Variants in PDZD2 observed in about 807,000 individuals in gnomAD.
PDZD2 encodes PDZ domain-containing protein 2.
A neutral mutation model predicts 220.7 loss-of-function variants in PDZD2; 90 were observed. That is an observed-to-expected ratio of 0.41 (90% CI 0.34 to 0.49). The LOEUF is 0.49. PDZD2 is among the 20% of genes least tolerant of loss of function. The pLI is 0.28. For synonymous variants in PDZD2, 1,375 were observed against 1,450.5 expected (o/e 0.95, Z 1.18); for missense variants, 3,174 against 3,608.5 (o/e 0.88, Z 3.08).
intron 4 of PDZD2, among the ~76,000 whole-genome samples, chr5:31,999,375 TGGTGGC>T (rs1751918048): frequency 6.6e-6 from 1 of 151,476 alleles, no homozygotes; most frequent in African/African-American, 2.4e-5. Flanking sequence ...AAACCAGGCC[TGGTGGC>T]ACGCACTTGT....
Position 32,089,778 on chromosome 5 carries a change from T to G in PDZD2, c.6330T>G (p.Ala2110=). ...AGACTGTATGTGGTAACAAGCCAGC[T>G]GAAAGCGACAGACGGGGAGGGTGCT... ...VSETVCGNKP[A]ESDRRGGCLA... The change falls in exon 20 of 25, where the codon GCT becomes GCG. Residue 2110 remains alanine (A), a synonymous_variant. Coordinates refer to ENST00000438447, the MANE Select transcript of PDZD2 (RefSeq NM_178140.4). 2 of 1,614,212 alleles carry G rather than the reference T, an allele frequency of 1.2e-6. No individual in the cohort carries two copies. Among genetic ancestry groups the G allele is most frequent in the Non-Finnish European group, 1.7e-6 (2 of 1,180,042 alleles).
chr5:31,831,748 GAA>G (rs765597222), intron 2 of PDZD2, among the ~76,000 whole-genome samples: 2 of 106,310 alleles, frequency 1.9e-5, no homozygotes, highest in Admixed American at 1.0e-4. Context: ...CTCCATCTCA[GAA>G]AAAAAAAAAA....
intron 12 of PDZD2, 67 bp from the exon 13 acceptor site, chr5:32,059,172 G>A (rs1739431920): frequency 1.2e-6 from 1 of 809,534 alleles, no homozygotes; most frequent in Non-Finnish European, 2.1e-6. Flanking sequence ...TTTCAAATCA[G>A]TTACACATTT....
chr5:32,049,326 G>C (rs540656409), intron 8 of PDZD2, among the ~76,000 whole-genome samples: 49 of 152,310 alleles, frequency 3.2e-4, no homozygotes, highest in African/African-American at 1.2e-3. Flanking sequence ...CTCAGTCCCT[G>C]AGAAACCTGT....
chr5:31,878,621 G>A (rs1739556423), intron 2 of PDZD2, among the ~76,000 whole-genome samples: 2 of 137,494 alleles, frequency 1.5e-5, no homozygotes, highest in East Asian at 2.2e-4. Context: ...GTGCAGTGGC[G>A]CGATCTCGGC....
intron 1 of PDZD2, among the ~76,000 whole-genome samples, chr5:31,684,464 C>T (rs1294039776): frequency 6.6e-6 from 1 of 152,184 alleles, no homozygotes; most frequent in Non-Finnish European, 1.5e-5. Context: ...CCTCTTTTAT[C>T]CCAACATCAC....
At chr5:31,640,131 G>A (rs2150099975) in intron 1 of PDZD2, among the ~76,000 whole-genome samples, 1 of 149,046 alleles carries the variant, frequency 6.7e-6, no homozygotes, top group South Asian at 2.1e-4. Context: ...AAGTCTTTGA[G>A]CTGCCTGTGG....
At position 31,736,421 on chromosome 5, in the gene PDZD2, C is replaced by T. The variant is rs1749866106; in HGVS notation, c.-360-62468C>T. Among the ~76,000 whole-genome samples, 2 of 152,190 alleles carry T rather than the reference C, an allele frequency of 1.3e-5. 1 individual carries two copies. Among genetic ancestry groups the T allele is most frequent in the South Asian group, 4.1e-4 (2 of 4,826 alleles). On this transcript the variant is annotated intron_variant, in intron 1 of 24. Transcript: ENST00000438447. ...TGCACTGAATCCACAAGTCTACCAA[C>T]AGCCCATAATCTTGTTTCAATTTAT...
chr5:32,069,046 C>T (rs1357459383), intron 14 of PDZD2, among the ~76,000 whole-genome samples: 4 of 151,888 alleles, frequency 2.6e-5, no homozygotes, highest in Non-Finnish European at 5.9e-5. Flanking sequence ...GGTGGGTGGA[C>T]CACAAGGTCA....
chr5:32,098,718 GCTAA>G lies in PDZD2; in HGVS notation c.8218+91_8218+94del, dbSNP rs1230608121. 39 of 1,239,724 alleles carry G rather than the reference GCTAA, an allele frequency of 3.1e-5. No individual in the cohort carries two copies. The highest frequency in any genetic ancestry group is 1.8e-4 in the South Asian group (12 of 67,054). The allele number at this position is 1,239,724 out of a possible 1,614,324, so 76.8% of individuals were successfully genotyped here. A position where few individuals can be genotyped will look rare whatever the true frequency, so the allele number is the denominator to read the frequency against. On this transcript the variant is annotated intron_variant, in intron 23 of 24. Coordinates refer to ENST00000438447, the MANE Select transcript of PDZD2 (RefSeq NM_178140.4). This position sits in a 1 kb window ranked among gnomAD's most constrained non-coding sequence, Gnocchi z 4.1. Reference sequence around the variant, plus strand: ...TGGTTGAACATGAAGGAAAATAACAGCTAACTAACTTCTAGATCTGAAAAATTAA... The same window carrying G: ...TGGTTGAACATGAAGGAAAATAACAGCTAACTTCTAGATCTGAAAAATTAA...
Position 32,089,658 on chromosome 5 carries a change from G to T in PDZD2, c.6210G>T (p.Pro2070=). Residue 2070 remains proline (P), a synonymous_variant, in exon 20 of 25, where the codon CCG becomes CCT. Transcript: ENST00000438447. ...HVAADTAQPR[P]TGEKGGNIMA... is the part of the protein sequence containing the mutation. ...CAGCAGACACAGCCCAACCCAGGCCGACTGGCGAAAAAGGAGGCAACATAA... is the reference window on the plus strand; with the variant it reads ...CAGCAGACACAGCCCAACCCAGGCCTACTGGCGAAAAAGGAGGCAACATAA... 1 of 1,614,036 alleles carries T rather than the reference G, an allele frequency of 6.2e-7. No homozygotes were observed. Among genetic ancestry groups the T allele is most frequent in the Non-Finnish European group, 8.5e-7 (1 of 1,179,992 alleles).
Position 31,881,338 on chromosome 5 carries a change from G to A in PDZD2, c.476+81614G>A, listed in dbSNP as rs1378256087. 1.7e-3 allele frequency among the ~76,000 whole-genome samples: 214 copies of A among 123,256 alleles called. 1 individual carries two copies. The highest frequency in any genetic ancestry group is 9.5e-3 in the African/African-American group (203 of 21,452). The allele number at this position is 123,256 out of a possible 152,430, so 80.9% of individuals were successfully genotyped here. On this transcript the variant is annotated intron_variant, in intron 2 of 24. Coordinates refer to ENST00000438447, the MANE Select transcript of PDZD2 (RefSeq NM_178140.4). Reference sequence around the variant, plus strand: ...CATTTCCATATATATGTGTGTGTGTGTGTGTGTGTGTGTGTGTGTGTGTGT... The same window carrying A: ...CATTTCCATATATATGTGTGTGTGTATGTGTGTGTGTGTGTGTGTGTGTGT...
chr5:32,047,606 G>C (rs1025037536), intron 7 of PDZD2, among the ~76,000 whole-genome samples: 1 of 152,178 alleles, frequency 6.6e-6, no homozygotes, highest in Non-Finnish European at 1.5e-5. Context: ...ATGGCAAAAA[G>C]CTTGCCAACT....
intron 6 of PDZD2, chr5:32,010,812 A>C (rs993806879): frequency 1.6e-5 from 6 of 373,418 alleles, no homozygotes; most frequent in Admixed American, 1.1e-4. Flanking sequence ...CCTGGCCAAC[A>C]TGATGAAACC....
rs1283196575 is a variant in PDZD2 at position 32,109,658 on chromosome 5, A to ATGAG, written c.*1526_*1529dup. The ATGAG allele has an allele frequency of 7.9e-5, 12 of 152,324 alleles. 1 individual carries two copies. The South Asian group carries it at 8.3e-4, about 11-fold the overall frequency. The allele number at this position is 152,324 out of a possible 1,614,324, so 9.4% of individuals were successfully genotyped here. ...AACCAACCCGTTGAGCCCTGACAACATGAGTGGAGAGTGCATTTGCCATAC... is the reference window on the plus strand; with the variant it reads ...AACCAACCCGTTGAGCCCTGACAACATGAGTGAGTGGAGAGTGCATTTGCCATAC... On this transcript the variant is annotated 3_prime_UTR_variant, in exon 25 of 25. Coordinates refer to ENST00000438447, the MANE Select transcript of PDZD2 (RefSeq NM_178140.4).
chr5:31,994,697 G>A (rs1044737192), intron 3 of PDZD2, among the ~76,000 whole-genome samples: 10 of 152,000 alleles, frequency 6.6e-5, no homozygotes, highest in African/African-American at 1.9e-4. Context: ...ATGCTGGCCA[G>A]GCTGGTCTCA....
chr5:32,041,651 G>A (rs368754760), intron 7 of PDZD2, among the ~76,000 whole-genome samples: 246 of 152,084 alleles, frequency 1.6e-3, no homozygotes, highest in African/African-American at 5.1e-3. Flanking sequence ...CAGCATGCTC[G>A]TTAAGAGTCA....
intron 2 of PDZD2, among the ~76,000 whole-genome samples, chr5:31,812,915 CAAT>C (rs1235048102): frequency 6.6e-6 from 1 of 152,060 alleles, no homozygotes; most frequent in Non-Finnish European, 1.5e-5. Flanking sequence ...TGTAAGCAAA[CAAT>C]AAGAAATGAC....
chr5:31,952,563 A>G (rs949985889), intron 2 of PDZD2, among the ~76,000 whole-genome samples: 5 of 152,230 alleles, frequency 3.3e-5, no homozygotes, highest in African/African-American at 1.2e-4. Context: ...CAGATTATGT[A>G]TCTACAACCA....
Sources: gnomAD v4.1 joint callset for allele counts (sites outside exome capture counted in the v4.1 genomes callset) on GRCh38, gnomAD v4.1.1 for gene constraint, Gnocchi (gnomAD v3.1) non-coding constraint, MANE v1.5 for transcripts, NCBI Gene and HGNC (gene_info 2026-07-23, HGNC 2026-07-21) for gene names.